CYP2C19: variants seen among roughly 807,000 people sequenced by gnomAD.
The protein encoded by CYP2C19 is cytochrome P450 2C19.
Under a neutral mutation model 40.9 loss-of-function variants are expected in CYP2C19, and 59 were observed. The observed-to-expected ratio is 1.44, with a 90% confidence interval of 1.17 to 1.79. The LOEUF is 1.79. Among genes scored for constraint, CYP2C19 ranks in the 40% most tolerant of loss-of-function variants. The pLI is 0.00. For synonymous variants in CYP2C19, 253 were observed against 208.7 expected (o/e 1.21, Z -1.83); for missense variants, 754 against 596.9 (o/e 1.26, Z -2.74).
At chr10:94,767,144 G>T (rs1288916754) in intron 1 of CYP2C19, among the ~76,000 whole-genome samples, 1 of 152,088 alleles carries the variant, frequency 6.6e-6, no homozygotes, top group African/African-American at 2.4e-5. Context: ...GAGAATTTCG[G>T]ATTCTCAACA....
At chr10:94,835,967 G>A (rs1373306165) in intron 6 of CYP2C19, among the ~76,000 whole-genome samples, 2 of 152,116 alleles carry the variant, frequency 1.3e-5, no homozygotes, top group Admixed American at 1.3e-4. Context: ...TTGAAGTCAG[G>A]ATCAGTCAAG....
chr10:94,777,122 C>T (rs191696292), intron 3 of CYP2C19, among the ~76,000 whole-genome samples: 1 of 152,134 alleles, frequency 6.6e-6, no homozygotes, highest in African/African-American at 2.4e-5. Flanking sequence ...TCAAGGAGAG[C>T]TACAAACCAC....
intron 6 of CYP2C19, among the ~76,000 whole-genome samples, chr10:94,828,449 G>A (rs1329122030): frequency 1.4e-5 from 2 of 147,480 alleles, no homozygotes; most frequent in East Asian, 2.0e-4. Flanking sequence ...ATCTTTGTTG[G>A]TTTAAAGTCT....
intron 4 of CYP2C19, 110 bp from the exon 5 acceptor site, chr10:94,781,711 C>T (rs1165986096): frequency 2.2e-6 from 1 of 451,626 alleles, no homozygotes; most frequent in Non-Finnish European, 3.5e-6. Flanking sequence ...TCAAGATATA[C>T]AATATATTTT....
At chr10:94,822,565 A>G (rs973318194) in intron 6 of CYP2C19, among the ~76,000 whole-genome samples, 2 of 152,056 alleles carry the variant, frequency 1.3e-5, no homozygotes, top group Non-Finnish European at 2.9e-5. Flanking sequence ...GATAGAATGA[A>G]TTTTTTTGGG....
Position 94,769,335 on chromosome 10 carries a change from G to A in CYP2C19, c.169-5723G>A, listed in dbSNP as rs1239604317. Among the ~76,000 whole-genome samples the A allele has an allele frequency of 5.3e-5, 8 of 152,166 alleles. No individual in the cohort carries two copies. The East Asian group carries it at 1.5e-3, about 29-fold the overall frequency. ...GGCCAGTACCTGACCAAAGAGATGA[G>A]GGCTATCCCTAAACCCTTGGGGCAA... On this transcript the variant is annotated intron_variant, in intron 1 of 8. Transcript: ENST00000371321.
chr10:94,813,730 G>A (rs1848960506), intron 5 of CYP2C19, among the ~76,000 whole-genome samples: 2 of 151,018 alleles, frequency 1.3e-5, no homozygotes, highest in South Asian at 4.2e-4. Flanking sequence ...GCTCCATGGG[G>A]GTGAGATCCC....
intron 5 of CYP2C19, among the ~76,000 whole-genome samples, chr10:94,788,670 A>G (rs1193690459): frequency 6.6e-6 from 1 of 152,196 alleles, no homozygotes; most frequent in Non-Finnish European, 1.5e-5. Context: ...CCTGCAAAGT[A>G]TGTGAACTCA....
chr10:94,829,061 G>A (rs949751319), intron 6 of CYP2C19, among the ~76,000 whole-genome samples: 1 of 152,118 alleles, frequency 6.6e-6, no homozygotes, highest in African/African-American at 2.4e-5. Context: ...TTCCCTTTGA[G>A]GGTAACCCGA....
chr10:94,832,486 T>A (rs747632719), intron 6 of CYP2C19, among the ~76,000 whole-genome samples: 3 of 152,224 alleles, frequency 2.0e-5, no homozygotes, highest in Non-Finnish European at 2.9e-5. Flanking sequence ...ACTTGGGGTG[T>A]GGGGATTATT....
intron 1 of CYP2C19, 34 bp from the exon 2 acceptor site, chr10:94,775,024 C>T (rs1408585765): frequency 6.2e-7 from 1 of 1,607,846 alleles, no homozygotes; most frequent in East Asian, 2.2e-5. Flanking sequence ...AAAACAGTGA[C>T]TTCATTTGCT....
At chr10:94,843,992 G>C (rs1564684028) in intron 7 of CYP2C19, among the ~76,000 whole-genome samples, 1 of 152,154 alleles carries the variant, frequency 6.6e-6, no homozygotes, top group Non-Finnish European at 1.5e-5. Flanking sequence ...TGCACATAGA[G>C]ATGAATTTAT....
At chr10:94,783,986 C>T (rs1317433311) in intron 5 of CYP2C19, among the ~76,000 whole-genome samples, 1 of 152,166 alleles carries the variant, frequency 6.6e-6, no homozygotes, top group Non-Finnish European at 1.5e-5. Flanking sequence ...CAATGTTGTG[C>T]AACCATCAGC....
At chr10:94,790,577 G>A (rs1156647785) in intron 5 of CYP2C19, among the ~76,000 whole-genome samples, 1 of 152,090 alleles carries the variant, frequency 6.6e-6, no homozygotes, top group African/African-American at 2.4e-5. Context: ...TTTGTCGAAG[G>A]CCTTTTCTAC....
At chr10:94,786,122 C>T (rs1848536597) in intron 5 of CYP2C19, among the ~76,000 whole-genome samples, 2 of 152,034 alleles carry the variant, frequency 1.3e-5, no homozygotes, top group Admixed American at 1.3e-4. Flanking sequence ...ATTAAACTAC[C>T]TGCTCCTTAA....
chr10:94,780,942 G>A (rs1450112700), intron 4 of CYP2C19, among the ~76,000 whole-genome samples: 2 of 152,102 alleles, frequency 1.3e-5, no homozygotes. Context: ...TTTGGTGACA[G>A]CCCCAAAGCG....
At chr10:94,791,057 T>A (rs1322229985) in intron 5 of CYP2C19, among the ~76,000 whole-genome samples, 1 of 152,134 alleles carries the variant, frequency 6.6e-6, no homozygotes, top group African/African-American at 2.4e-5. Context: ...CTGTTATTGG[T>A]CTATTCAGAG....
chr10:94,766,582 G>C (rs1848247572), intron 1 of CYP2C19, among the ~76,000 whole-genome samples: 1 of 152,090 alleles, frequency 6.6e-6, no homozygotes, highest in South Asian at 2.1e-4. Flanking sequence ...GCAAGAAGAG[G>C]TGTTAAAGAT....
intron 5 of CYP2C19, among the ~76,000 whole-genome samples, chr10:94,812,606 C>A (rs562837225): frequency 6.6e-6 from 1 of 152,170 alleles, no homozygotes; most frequent in Non-Finnish European, 1.5e-5. Flanking sequence ...TTTTTCTTCA[C>A]ATTTTATTTC....
Sources: gnomAD v4.1 joint callset for allele counts (sites outside exome capture counted in the v4.1 genomes callset) on GRCh38, gnomAD v4.1.1 for gene constraint, MANE v1.5 for transcripts, NCBI Gene and HGNC (gene_info 2026-07-23, HGNC 2026-07-21) for gene names.